The following SERPINB8 variants were observed in gnomAD, a reference collection of about 807,000 sequenced individuals.
SERPINB8 encodes the protein serpin B8.
SERPINB8 carries 25 observed loss-of-function variants against 35.3 expected under a neutral mutation model. The observed-to-expected ratio is 0.71, with a 90% CI of 0.52 to 0.99. The LOEUF (loss-of-function observed/expected upper bound fraction) is 0.99. Ranked by LOEUF, SERPINB8 falls within the 50% of genes least tolerant of loss-of-function variation. The pLI, the probability that SERPINB8 is intolerant of heterozygous loss-of-function variation, is 0.00. For synonymous variants in SERPINB8, 186 were observed against 160.8 expected (o/e 1.16, Z -1.19); for missense variants, 484 against 446.5 (o/e 1.08, Z -0.76).
intron 1 of SERPINB8, 23 bp downstream of exon 1, chr18:63,970,193 G>A (rs564776004): frequency 8.4e-5 from 25 of 295,948 alleles, no homozygotes; most frequent in African/African-American, 4.2e-4. Flanking sequence ...GCCAGGTACC[G>A]GGCGGGGCAG....
intron 5 of SERPINB8, 146 bp from the exon 6 acceptor site, chr18:63,984,947 A>G: frequency 4.3e-6 from 3 of 696,718 alleles, no homozygotes; most frequent in Non-Finnish European, 7.0e-6. Flanking sequence ...CAATACTAAG[A>G]TGTACTAATG....
chr18:64,014,491 T>TGGGAAC lies in SERPINB8; in HGVS notation c.*3-4417_*3-4416insGAACGG. On this transcript the variant is annotated intron_variant, in intron 7 of 7. Coordinates refer to the SERPINB8 transcript ENST00000636430. Reference sequence around the variant, plus strand: ...TAGATGGATGAAAGGGCCCTGGGAATGGCTGGGAACGCTGAAGACCTCAGA... The same window carrying TGGGAAC: ...TAGATGGATGAAAGGGCCCTGGGAATGGGAACGGCTGGGAACGCTGAAGACCTCAGA... 2.0e-5 allele frequency among the ~76,000 whole-genome samples: 3 copies of TGGGAAC among 152,092 alleles called. No homozygotes were observed. The East Asian group carries it at 5.8e-4, about 29-fold the overall frequency.
At chr18:63,996,569 T>C (rs1266632630) in intron 1 of SERPINB8, among the ~76,000 whole-genome samples, 1 of 152,120 alleles carries the variant, frequency 6.6e-6, no homozygotes, top group Non-Finnish European at 1.5e-5. Context: ...CATCAATGAA[T>C]AGGTTATGCT....
At chr18:63,972,349 A>G (rs1437799590) in intron 1 of SERPINB8, among the ~76,000 whole-genome samples, 2 of 152,196 alleles carry the variant, frequency 1.3e-5, no homozygotes, top group Admixed American at 1.3e-4. Context: ...CCTTTAATAC[A>G]TTATTTGTGG....
intron 1 of SERPINB8, among the ~76,000 whole-genome samples, chr18:63,999,389 C>G (rs2050864196): frequency 6.6e-6 from 1 of 152,182 alleles, no homozygotes; most frequent in Non-Finnish European, 1.5e-5. Context: ...TATGTGGACC[C>G]TGGTACTGTA....
intron 7 of SERPINB8, among the ~76,000 whole-genome samples, chr18:64,011,927 G>C (rs1855593871): frequency 6.6e-6 from 1 of 152,104 alleles, no homozygotes; most frequent in Admixed American, 6.5e-5. Context: ...AATGGTTTCA[G>C]AAGCTTGGAA....
At chr18:63,989,496 G>A (rs897152073), downstream of SERPINB8, 9 of 152,204 alleles carry the variant, frequency 5.9e-5, no homozygotes, top group Non-Finnish European at 1.0e-4. Context: ...GCCTTTGAAA[G>A]TGGTTGTATC....
In SERPINB8 at chr18:63,986,365, C is replaced by T. The variant is rs2050754348; in HGVS notation, c.721-509C>T. 4 of 1,580,266 alleles carry T rather than the reference C, an allele frequency of 2.5e-6. No individual in the cohort carries two copies. The Admixed American group carries it at 5.4e-5, about 22-fold the overall frequency. On this transcript the variant is annotated intron_variant, in intron 6 of 6. Coordinates refer to ENST00000397985, the MANE Select transcript of SERPINB8 (RefSeq NM_002640.4). ...CATTCCCCATTTCTCGTCTCATGCT[C>T]CCTTCTCATGCCTCCCTTCATCTTC...
At chr18:63,984,967 T>C in intron 5 of SERPINB8, 126 bp from the exon 6 acceptor site, 1 of 864,478 alleles carries the variant, frequency 1.2e-6, no homozygotes, top group Non-Finnish European at 1.8e-6. Flanking sequence ...GAAGATTTTA[T>C]ATCTATCAGC....
At chr18:63,997,487 G>A (rs1011940738) in intron 1 of SERPINB8, among the ~76,000 whole-genome samples, 5 of 152,182 alleles carry the variant, frequency 3.3e-5, no homozygotes, top group African/African-American at 1.2e-4. Context: ...CAGATACAAG[G>A]ACCTTCTGGG....
chr18:64,003,437 T>A (rs1420161000), intron 1 of SERPINB8, among the ~76,000 whole-genome samples: 7 of 152,154 alleles, frequency 4.6e-5, no homozygotes, highest in Admixed American at 4.6e-4. Context: ...CATGGCATTT[T>A]ATATCAGAGA....
intron 1 of SERPINB8, among the ~76,000 whole-genome samples, chr18:63,998,436 G>T (rs1483586621): frequency 2.6e-5 from 4 of 152,156 alleles, no homozygotes; most frequent in Admixed American, 2.6e-4. Flanking sequence ...TCATCTACAA[G>T]CCACAGCAAT....
exon 8 of SERPINB8, chr18:64,019,241 G>A (rs757822291): frequency 1.3e-5 from 2 of 152,634 alleles, no homozygotes; most frequent in Non-Finnish European, 2.9e-5. Flanking sequence ...CAAGCCAGAA[G>A]CCCAGCAGTC....
chr18:63,974,644 C>T (rs1011169564), intron 1 of SERPINB8, among the ~76,000 whole-genome samples: 5 of 152,224 alleles, frequency 3.3e-5, no homozygotes, highest in African/African-American at 4.8e-5. Context: ...GGCATTGGCA[C>T]CTAAAGTATT....
chr18:64,017,279 T>C (rs1482867601), intron 7 of SERPINB8, among the ~76,000 whole-genome samples: 1 of 152,192 alleles, frequency 6.6e-6, no homozygotes, highest in Admixed American at 6.5e-5. Flanking sequence ...AGGCCAAGGA[T>C]GATTTCTTTC....
In SERPINB8 at chr18:63,987,450, CCG is replaced by C. The variant is rs1276307202; in HGVS notation, c.*174_*175del. On this transcript the variant is annotated 3_prime_UTR_variant, in exon 7 of 7. Transcript: ENST00000397985. ...CCAGAGCCATTGAGAATAACTGAGG[CCG>C]CAGATGCATGAAATTTGGGCCTGGG... The C allele has an allele frequency of 1.4e-6, 1 of 700,764 alleles. No individual in the cohort carries two copies. The highest frequency in any genetic ancestry group is 1.8e-5 in the African/African-American group (1 of 55,808). The allele number at this position is 700,764 out of a possible 1,614,324, so 43.4% of individuals were successfully genotyped here. A position where few individuals can be genotyped will look rare whatever the true frequency, so the allele number is the denominator to read the frequency against.
intron 1 of SERPINB8, among the ~76,000 whole-genome samples, chr18:63,976,067 C>A (rs943685595): frequency 6.6e-6 from 1 of 152,122 alleles, no homozygotes; most frequent in Non-Finnish European, 1.5e-5. Context: ...TCATTTTGCT[C>A]ATTTGCTAAT....
At chr18:64,013,104 G>A (rs1439663296) in intron 7 of SERPINB8, among the ~76,000 whole-genome samples, 3 of 151,818 alleles carry the variant, frequency 2.0e-5, no homozygotes, top group African/African-American at 7.3e-5. Context: ...TTTTCTTTAG[G>A]GAGTAATTCT....
At chr18:63,979,719 TAGTACAG>T in intron 2 of SERPINB8, 75 bp from the exon 3 acceptor site, 1 of 1,536,742 alleles carries the variant, frequency 6.5e-7, no homozygotes, top group Non-Finnish European at 8.9e-7. Context: ...GTGGTTTTTT[TAGTACAG>T]AGGTTTGTTT....
Sources: allele counts gnomAD v4.1 joint callset (sites outside exome capture counted in the v4.1 genomes callset), GRCh38; gene constraint gnomAD v4.1.1; transcripts MANE v1.5; gene names NCBI Gene and HGNC (gene_info 2026-07-23, HGNC 2026-07-21).